The following TNRC18 variants were observed in gnomAD, a reference collection of about 807,000 sequenced individuals.
The protein encoded by TNRC18 is trinucleotide repeat containing 18, also known as trinucleotide repeat-containing gene 18 protein.
TNRC18 carries 69 observed loss-of-function variants against 226.7 expected under a neutral mutation model. That is an observed-to-expected ratio of 0.30 (90% CI 0.25 to 0.37). The LOEUF is 0.37. TNRC18 is among the 10% of genes least tolerant of loss of function. TNRC18 has a pLI of 1.00. For synonymous variants in TNRC18, 2,449 were observed against 1,927.6 expected, an observed-to-expected ratio of 1.27 and a Z score of -7.09; for missense variants, 4,754 against 4,256.6, an observed-to-expected ratio of 1.12 and a Z score of -3.25.
intron 2 of TNRC18, among the ~76,000 whole-genome samples, chr7:5,403,237 C>T (rs982299353): frequency 1.3e-5 from 2 of 151,608 alleles, no homozygotes; most frequent in Non-Finnish European, 2.9e-5. Context: ...CTCAGCTCAC[C>T]GCAACCTCTA....
chr7:5,323,946 G>A (rs940344486), intron 21 of TNRC18, among the ~76,000 whole-genome samples: 2 of 152,234 alleles, frequency 1.3e-5, no homozygotes, highest in African/African-American at 4.8e-5. Flanking sequence ...TTTTCCTTAG[G>A]GCCAACACGG....
In TNRC18 at chr7:5,388,448, T is replaced by C. The variant is rs1779990123; in HGVS notation, c.1376A>G (p.Tyr459Cys). 20 of 1,457,674 alleles carry C rather than the reference T, an allele frequency of 1.4e-5. No homozygotes were observed. The highest frequency in any genetic ancestry group is 4.5e-5 in the African/African-American group (3 of 66,142). 90.3% of individuals were successfully genotyped at this position (1,457,674 alleles called of 1,614,324 possible). A position where few individuals can be genotyped will look rare whatever the true frequency, so the allele number is the denominator to read the frequency against. Residue 459 changes from tyrosine (Y) to cysteine (C), a missense_variant, in exon 5 of 30, where the codon TAC becomes TGC. By Grantham distance (194) the Tyr-to-Cys change is radical. Transcript: ENST00000430969. Reference sequence around the variant, plus strand: ...CTTGAGCAGCTCCTTGGCAGGCACGTAGGCGCGGGGGTCCGGGGAGGCGCG... The same window carrying C: ...CTTGAGCAGCTCCTTGGCAGGCACGCAGGCGCGGGGGTCCGGGGAGGCGCG... ...ATRASPDPRA[Y>C]VPAKELLKPE...
At chr7:5,325,334 A>C in intron 19 of TNRC18, 86 bp from the exon 20 acceptor site, 2 of 1,458,226 alleles carry the variant, frequency 1.4e-6, no homozygotes. Context: ...ACTCACCCCC[A>C]AGTTCTGTGC....
intron 24 of TNRC18, among the ~76,000 whole-genome samples, chr7:5,319,988 G>A (rs1287077102): frequency 2.0e-5 from 3 of 152,206 alleles, no homozygotes; most frequent in East Asian, 1.9e-4. Flanking sequence ...TGTGGCCCAA[G>A]TCAGTTCACA....
intron 18 of TNRC18, among the ~76,000 whole-genome samples, chr7:5,342,132 G>T (rs1280267266): frequency 6.6e-6 from 1 of 152,130 alleles, no homozygotes; most frequent in Non-Finnish European, 1.5e-5. Context: ...CTTCTGGAAA[G>T]AATTCACTAT....
In TNRC18 at chr7:5,420,761, G is replaced by A. The variant is rs756826145; in HGVS notation, c.187+299C>T. 3.9e-5 allele frequency: 25 copies of A among 633,368 alleles called. No individual in the cohort carries two copies. In the Middle Eastern group the frequency reaches 7.3e-4, roughly 19 times the overall value. The allele number at this position is 633,368 out of a possible 1,614,324, so 39.2% of individuals were successfully genotyped here. ...CCAGATTTTGAAAACTCCAGCCCAG[G>A]CTCGTGCCGCCGGGGCCCCGGGGAT... On this transcript the variant is annotated intron_variant, in intron 2 of 29. Coordinates refer to ENST00000430969, the MANE Select transcript of TNRC18 (RefSeq NM_001080495.3).
chr7:5,311,734 C>A (rs565714574), intron 27 of TNRC18, among the ~76,000 whole-genome samples: 16 of 152,136 alleles, frequency 1.1e-4, no homozygotes, highest in African/African-American at 3.9e-4. Flanking sequence ...GGGAAAACTG[C>A]TTGGGCCCAG....
intron 3 of TNRC18, among the ~76,000 whole-genome samples, chr7:5,391,840 A>C (rs1436029544): frequency 1.5e-5 from 2 of 137,922 alleles, no homozygotes; most frequent in Admixed American, 7.5e-5. Flanking sequence ...CTATTTAAAA[A>C]AAAAAAAAAA....
At chr7:5,354,972 A>G (rs1374916862) in intron 16 of TNRC18, among the ~76,000 whole-genome samples, 2 of 152,230 alleles carry the variant, frequency 1.3e-5, no homozygotes, top group Non-Finnish European at 2.9e-5. Flanking sequence ...TCCGCCCATG[A>G]ACCGGCCAGA....
chr7:5,385,135 G>A lies in TNRC18; in HGVS notation c.2152+2537C>T, dbSNP rs187957436. 3.3e-5 allele frequency among the ~76,000 whole-genome samples: 5 copies of A among 152,362 alleles called. No individual in the cohort carries two copies. In the South Asian group the frequency reaches 6.2e-4, roughly 19 times the overall value. On this transcript the variant is annotated intron_variant, in intron 5 of 29. Transcript: ENST00000430969. ...AGGAAGTGGGAAGGGCACTGCAGGC[G>A]GGAGGTCCAGCACCAGATACCCAGG... is the stretch of plus-strand genomic sequence containing the variant.
intron 5 of TNRC18, among the ~76,000 whole-genome samples, chr7:5,382,450 A>C (rs2128186744): frequency 6.6e-6 from 1 of 152,234 alleles, no homozygotes. Flanking sequence ...TTAGGAACCC[A>C]AGGCTCACGC....
At chr7:5,367,329 C>T (rs535094012) in intron 11 of TNRC18, among the ~76,000 whole-genome samples, 1 of 152,184 alleles carries the variant, frequency 6.6e-6, no homozygotes, top group South Asian at 2.1e-4. Context: ...CACACCACTG[C>T]ACTCCAGCCT....
rs767468449 is a variant in TNRC18 at position 5,320,412 on chromosome 7, C to T, written c.6651G>A (p.Arg2217=). 3.2e-6 allele frequency: 5 copies of T among 1,561,858 alleles called. No individual in the cohort carries two copies. Among genetic ancestry groups the T allele is most frequent in the South Asian group, 1.2e-5 (1 of 84,640 alleles). Residue 2217 remains arginine, a synonymous_variant, in exon 24 of 30, where the codon AGG becomes AGA. Transcript: ENST00000430969. ...QLLQEAIIDV[R]PASTRFLPQG... is the part of the protein sequence containing the mutation. Reference sequence around the variant, plus strand: ...GTGGCAAGAAGCGAGTGGAGGCTGGCCTCACATCGATGATCTAGAAGGGCA... The same window carrying T: ...GTGGCAAGAAGCGAGTGGAGGCTGGTCTCACATCGATGATCTAGAAGGGCA...
In TNRC18 at chr7:5,374,043, G is replaced by A; in HGVS notation, c.3229+12C>T. ...GCAGAGTGAGACCCTGAGGGTCTCA[G>A]CTGCATCCTACCTGAGAACAGGGCC... On this transcript the variant is annotated intron_variant, in intron 10 of 29. Coordinates refer to ENST00000430969, the MANE Select transcript of TNRC18 (RefSeq NM_001080495.3). 6.5e-7 allele frequency: 1 copy of A among 1,541,848 alleles called. No homozygotes were observed. The highest frequency in any genetic ancestry group is 8.7e-7 in the Non-Finnish European group (1 of 1,150,654).
intron 19 of TNRC18, 170 bp from the exon 20 acceptor site, chr7:5,325,418 G>T (rs1215248845): frequency 5.9e-5 from 35 of 589,608 alleles, no homozygotes; most frequent in East Asian, 4.9e-4. Context: ...TTGGTTTTGG[G>T]TTTTTTTTTG....
At chr7:5,351,681 G>A in intron 17 of TNRC18, 138 bp downstream of exon 17, 1 of 921,526 alleles carries the variant, frequency 1.1e-6, no homozygotes. Flanking sequence ...AACCCAGATG[G>A]CAGCCTTCTT....
chr7:5,383,361 C>T (rs1481810608), intron 5 of TNRC18, among the ~76,000 whole-genome samples: 1 of 152,164 alleles, frequency 6.6e-6, no homozygotes, highest in Non-Finnish European at 1.5e-5. Flanking sequence ...CCAGGGCTCC[C>T]CTGCACAGGC....
chr7:5,321,111 C>T lies in TNRC18; in HGVS notation c.6522G>A (p.Leu2174=). ...RVLIPMDDKL[L]YAGHVQTVHS... ...GCACGGTCTGCACGTGCCCGGCGTA[C>T]AGCAGCTTGTCATCCATGGGGATGA... The change falls in exon 22 of 30, where the codon CTG becomes CTA. Residue 2174 remains leucine (L), a synonymous_variant. Transcript: ENST00000430969. 4 of 1,555,344 alleles carry T rather than the reference C, an allele frequency of 2.6e-6. No individual in the cohort carries two copies. The highest frequency in any genetic ancestry group is 1.2e-5 in the South Asian group (1 of 84,238).
chr7:5,402,884 G>A (rs531850808), intron 2 of TNRC18, among the ~76,000 whole-genome samples: 2 of 151,524 alleles, frequency 1.3e-5, no homozygotes, highest in African/African-American at 4.8e-5. Flanking sequence ...GGTGTGGAAT[G>A]GGGGGGCAAG....
Sources: gnomAD v4.1 joint callset for allele counts (sites outside exome capture counted in the v4.1 genomes callset) on GRCh38, gnomAD v4.1.1 for gene constraint, MANE v1.5 for transcripts, NCBI Gene and HGNC (gene_info 2026-07-23, HGNC 2026-07-21) for gene names.